ADAM23: variants seen among roughly 807,000 people sequenced by gnomAD.
ADAM23 encodes disintegrin and metalloproteinase domain-containing protein 23.
In ADAM23, 33 loss-of-function variants were observed where a neutral mutation model predicts 120.1. The observed-to-expected ratio is 0.27, with a 90% CI of 0.21 to 0.37. The LOEUF is 0.37. Ranked by LOEUF, ADAM23 falls within the 10% of genes least tolerant of loss-of-function variation. ADAM23 has a pLI of 1.00. For missense variants in ADAM23, 862 were observed against 1,058.2 expected (o/e 0.81, Z 2.57); for synonymous variants, 367 against 375.2 (o/e 0.98, Z 0.25).
In ADAM23 at chr2:206,619,554, A is replaced by C. The variant is rs1303980061; in HGVS notation, c.*1927A>C. On this transcript the variant is annotated 3_prime_UTR_variant, in exon 26 of 26. Coordinates refer to ENST00000264377, the MANE Select transcript of ADAM23 (RefSeq NM_003812.4). ...AGGAAAAGAACATGCAGTTTTACTC[A>C]TCACTTCTTCATGACACCAAATCCA... 6.7e-6 allele frequency: 1 copy of C among 150,062 alleles called. No homozygotes were observed. The allele number at this position is 150,062 out of a possible 1,614,324, so 9.3% of individuals were successfully genotyped here.
intron 9 of ADAM23, among the ~76,000 whole-genome samples, 197 bp from the exon 10 acceptor site, chr2:206,557,230 A>G (rs1370485642): frequency 6.6e-6 from 1 of 152,130 alleles, no homozygotes; most frequent in Non-Finnish European, 1.5e-5. Flanking sequence ...CTGCCCAGCT[A>G]ACATCATGTT....
At chr2:206,600,878 CATT>C (rs1698627512) in intron 24 of ADAM23, among the ~76,000 whole-genome samples, 1 of 152,170 alleles carries the variant, frequency 6.6e-6, no homozygotes, top group East Asian at 1.9e-4. Flanking sequence ...ATTTTTGTCA[CATT>C]ATTTATTTTT....
intron 3 of ADAM23, among the ~76,000 whole-genome samples, chr2:206,493,413 C>T (rs1004589589): frequency 2.0e-5 from 3 of 152,174 alleles, no homozygotes; most frequent in Non-Finnish European, 4.4e-5. Context: ...GCTCTTGTCA[C>T]CCAGGCTGGA....
intron 25 of ADAM23, among the ~76,000 whole-genome samples, chr2:206,613,062 T>G (rs1018578090): frequency 6.6e-6 from 1 of 152,060 alleles, no homozygotes; most frequent in African/African-American, 2.4e-5. Context: ...GCTTAATTTC[T>G]TTTTCTTTTT....
intron 11 of ADAM23, among the ~76,000 whole-genome samples, chr2:206,560,484 C>T (rs902271476): frequency 6.6e-6 from 1 of 152,136 alleles, no homozygotes; most frequent in Non-Finnish European, 1.5e-5. Flanking sequence ...TGAAAGCTTG[C>T]ACATGTATGT....
intron 25 of ADAM23, among the ~76,000 whole-genome samples, chr2:206,612,650 A>G (rs1245350750): frequency 6.6e-6 from 1 of 152,232 alleles, no homozygotes; most frequent in Admixed American, 6.5e-5. Context: ...ATGTAGAAGT[A>G]TCATACTATA....
chr2:206,553,932 A>AT (rs1559261596), intron 9 of ADAM23, among the ~76,000 whole-genome samples: 2 of 151,824 alleles, frequency 1.3e-5, no homozygotes, highest in African/African-American at 4.8e-5. Context: ...TTCTAATCTT[A>AT]TTTTTTTTCA....
chr2:206,452,832 C>T (rs1217862590), intron 2 of ADAM23, among the ~76,000 whole-genome samples: 2 of 152,088 alleles, frequency 1.3e-5, no homozygotes, highest in Non-Finnish European at 2.9e-5. Flanking sequence ...ACTCCTCCCT[C>T]TCCTGCCTAT....
intron 2 of ADAM23, among the ~76,000 whole-genome samples, chr2:206,461,414 A>G (rs1391390450): frequency 6.6e-6 from 1 of 152,130 alleles, no homozygotes; most frequent in African/African-American, 2.4e-5. Flanking sequence ...AAGTTTCTTT[A>G]AAAGGGAGAC....
intron 3 of ADAM23, among the ~76,000 whole-genome samples, chr2:206,510,783 G>A (rs1696607228): frequency 6.6e-6 from 1 of 152,192 alleles, no homozygotes; most frequent in Admixed American, 6.5e-5. Context: ...CAGTGAGTGT[G>A]AGGCCACCTA....
intron 18 of ADAM23, among the ~76,000 whole-genome samples, chr2:206,583,062 G>A (rs535443788): frequency 3.3e-5 from 5 of 152,160 alleles, no homozygotes; most frequent in Non-Finnish European, 7.4e-5. Flanking sequence ...TTTCTCAGGT[G>A]TTCTTTGTGC....
At chr2:206,532,111 G>A (rs889891606) in intron 4 of ADAM23, among the ~76,000 whole-genome samples, 1 of 152,148 alleles carries the variant, frequency 6.6e-6, no homozygotes, top group Non-Finnish European at 1.5e-5. Context: ...TGTGGAAAGT[G>A]AGCAGAAAAG....
intron 4 of ADAM23, among the ~76,000 whole-genome samples, chr2:206,540,216 TACACACACACACACACACACACAC>T (rs71034461): frequency 1.8e-4 from 24 of 131,870 alleles, no homozygotes; most frequent in Non-Finnish European, 2.9e-4. Flanking sequence ...CCCTTCACTG[TACACACACACACACACACACACAC>T]ACACACACAC....
At chr2:206,509,483 C>T (rs974060208) in intron 3 of ADAM23, among the ~76,000 whole-genome samples, 1 of 151,972 alleles carries the variant, frequency 6.6e-6, no homozygotes, top group Non-Finnish European at 1.5e-5. Flanking sequence ...GAGTCTCGCT[C>T]TGTCACCCAG....
chr2:206,530,980 TATAAGTG>T, intron 4 of ADAM23, 32 bp downstream of exon 4: 1 of 1,589,610 alleles, frequency 6.3e-7, no homozygotes, highest in Non-Finnish European at 8.6e-7. Flanking sequence ...AGTACTCTAG[TATAAGTG>T]TGCTTATCAT....
chr2:206,565,142 T>C, intron 14 of ADAM23, 74 bp downstream of exon 14: 1 of 1,372,216 alleles, frequency 7.3e-7, no homozygotes, highest in Non-Finnish European at 1.0e-6. Flanking sequence ...AAACAAGGTC[T>C]CTCGGGTATT....
intron 3 of ADAM23, among the ~76,000 whole-genome samples, chr2:206,489,865 T>G (rs1696094375): frequency 6.6e-6 from 1 of 152,152 alleles, no homozygotes; most frequent in Non-Finnish European, 1.5e-5. Context: ...GTGGAATTAT[T>G]TTGGTCAATT....
intron 24 of ADAM23, chr2:206,607,264 T>A (rs932136488): frequency 1.3e-5 from 2 of 152,220 alleles, no homozygotes; most frequent in African/African-American, 4.8e-5. Context: ...ATAACAGGGA[T>A]AAAAATATTT....
At chr2:206,557,341 T>C in intron 9 of ADAM23, 86 bp from the exon 10 acceptor site, 1 of 1,044,328 alleles carries the variant, frequency 9.6e-7, no homozygotes, top group Admixed American at 1.7e-5. Flanking sequence ...TTTCTACTAT[T>C]ACTGAGATAT....
Sources: gnomAD v4.1 joint callset for allele counts (sites outside exome capture counted in the v4.1 genomes callset) on GRCh38, gnomAD v4.1.1 for gene constraint, MANE v1.5 for transcripts, NCBI Gene and HGNC (gene_info 2026-07-23, HGNC 2026-07-21) for gene names.